TEAD1: variants seen among roughly 807,000 people sequenced by gnomAD.
TEAD1 encodes TEA domain transcription factor 1, also known as transcriptional enhancer factor TEF-1.
Under a neutral mutation model 54.9 loss-of-function variants are expected in TEAD1, and 9 were observed. That is an observed-to-expected ratio of 0.16 (90% CI 0.10 to 0.29). The LOEUF (loss-of-function observed/expected upper bound fraction) is 0.29. TEAD1 is among the 10% of genes least tolerant of loss of function. The pLI, the probability that TEAD1 is intolerant of heterozygous loss-of-function variation, is 1.00. For missense variants in TEAD1, 387 were observed against 535.9 expected, an observed-to-expected ratio of 0.72 and a Z score of 2.74; for synonymous variants, 200 against 187.8, an observed-to-expected ratio of 1.07 and a Z score of -0.53.
rs1949170253 is a variant in TEAD1 at position 12,942,451 on chromosome 11, G to T, written c.*5229G>T. On this transcript the variant is annotated 3_prime_UTR_variant, in exon 13 of 13. Coordinates refer to ENST00000527636, the MANE Select transcript of TEAD1 (RefSeq NM_021961.6). The stretch of plus-strand genomic sequence containing the variant: ...AGCACACTTCAGCGGAAGGACCCCA[G>T]AAACTGTTGTGTTTGTGTGTGCTGA... The T allele has an allele frequency of 6.6e-6, 1 of 152,220 alleles. No individual in the cohort carries two copies. Among genetic ancestry groups the T allele is most frequent in the Admixed American group, 6.5e-5 (1 of 15,280 alleles). The allele number at this position is 152,220 out of a possible 1,614,324, so 9.4% of individuals were successfully genotyped here. A position where few individuals can be genotyped will look rare whatever the true frequency, so the allele number is the denominator to read the frequency against.
At chr11:12,913,098 G>T (rs1036705222) in intron 10 of TEAD1, among the ~76,000 whole-genome samples, 3 of 152,130 alleles carry the variant, frequency 2.0e-5, no homozygotes, top group African/African-American at 7.2e-5. Flanking sequence ...CGGGGTGGCT[G>T]CATATTTTCA....
chr11:12,678,294 C>A (rs907619892), intron 2 of TEAD1, among the ~76,000 whole-genome samples: 1 of 152,212 alleles, frequency 6.6e-6, no homozygotes, highest in African/African-American at 2.4e-5. Flanking sequence ...CTGCTAATGT[C>A]CAACTTTTGG....
At chr11:12,741,092 T>C (rs575904292) in intron 2 of TEAD1, among the ~76,000 whole-genome samples, 1 of 152,320 alleles carries the variant, frequency 6.6e-6, no homozygotes, top group South Asian at 2.1e-4. Context: ...TATTTTCATT[T>C]TGTGTAGCTA....
At chr11:12,760,707 C>T (rs1424299272) in intron 2 of TEAD1, among the ~76,000 whole-genome samples, 2 of 152,172 alleles carry the variant, frequency 1.3e-5, no homozygotes, top group Non-Finnish European at 2.9e-5. Context: ...GCCAATTCCA[C>T]ACATTTTTAG....
rs373656383 is a variant in TEAD1, at chr11:12,902,149, G to C, written c.873+36G>C. ...CATTGCTGTGATTTCCGTGGTTTTT[G>C]TCTGAATGGTCACATCTCTTACATG... is the stretch of plus-strand genomic sequence containing the variant. On this transcript the variant is annotated intron_variant, in intron 10 of 12. Transcript: ENST00000527636. 5.9e-5 allele frequency: 95 copies of C among 1,613,356 alleles called. No individual in the cohort carries two copies. The African/African-American group carries it at 1.1e-3, about 18-fold the overall frequency.
chr11:12,908,892 T>TTTTG, intron 10 of TEAD1, among the ~76,000 whole-genome samples: 1 of 151,422 alleles, frequency 6.6e-6, no homozygotes, highest in South Asian at 2.1e-4. Context: ...TGTTTTTTTT[T>TTTTG]TTTTGAGACA....
At chr11:12,767,697 G>A (rs1945232826) in intron 3 of TEAD1, among the ~76,000 whole-genome samples, 1 of 152,174 alleles carries the variant, frequency 6.6e-6, no homozygotes, top group Admixed American at 6.5e-5. Flanking sequence ...TTTGGGCTGT[G>A]TGTGGATAGG....
chr11:12,816,214 CTGGA>C (rs1418177930), intron 3 of TEAD1, among the ~76,000 whole-genome samples: 1 of 152,174 alleles, frequency 6.6e-6, no homozygotes, highest in African/African-American at 2.4e-5. Context: ...CACTTTGAGG[CTGGA>C]TGAAGTCAAG....
chr11:12,775,903 G>A (rs1945406800), intron 3 of TEAD1, among the ~76,000 whole-genome samples: 1 of 152,134 alleles, frequency 6.6e-6, no homozygotes, highest in African/African-American at 2.4e-5. Context: ...AGAAAAATGT[G>A]GAAAATAGCA....
chr11:12,752,251 T>A (rs1273145120), intron 2 of TEAD1, among the ~76,000 whole-genome samples: 1 of 151,652 alleles, frequency 6.6e-6, no homozygotes, highest in Non-Finnish European at 1.5e-5. Context: ...TTCTTTTTTT[T>A]TAAAATAATT....
intron 5 of TEAD1, among the ~76,000 whole-genome samples, chr11:12,878,651 T>C (rs1168312890): frequency 2.0e-5 from 3 of 152,096 alleles, no homozygotes; most frequent in Non-Finnish European, 4.4e-5. Context: ...TTGTTGCTGT[T>C]GTTGGGTGCC....
intron 9 of TEAD1, among the ~76,000 whole-genome samples, chr11:12,898,525 G>A (rs552101015): frequency 6.6e-6 from 1 of 151,814 alleles, no homozygotes; most frequent in South Asian, 2.1e-4. Flanking sequence ...CTCCCGAGTA[G>A]CTGGGATTAC....
At chr11:12,864,959 A>G (rs770083323) in intron 5 of TEAD1, 59 bp downstream of exon 5, 25 of 1,578,466 alleles carry the variant, frequency 1.6e-5, no homozygotes, top group African/African-American at 8.1e-5. Flanking sequence ...CCTGTTTTCC[A>G]TGGTGACTGG....
rs181671448 is a variant in TEAD1 at position 12,765,251 on chromosome 11, T to C, written c.202+817T>C. 3.9e-5 allele frequency among the ~76,000 whole-genome samples: 6 copies of C among 152,292 alleles called. No individual in the cohort carries two copies. In the East Asian group the frequency reaches 1.2e-3, roughly 29 times the overall value. ...TTGGGCACCCCCTAACTTCCTTCCA[T>C]AAATGCTTCCAGCTGCAGACCTGTA... On this transcript the variant is annotated intron_variant, in intron 3 of 12. Transcript: ENST00000527636.
chr11:12,845,718 C>A lies in TEAD1; in HGVS notation c.203-16532C>A, dbSNP rs142992311. ...AACCACCTGCCCCTTTTAGCGGTGGCCTTTTGCACGTGTCTTGCACTAGCC... is the reference window on the plus strand; with the variant it reads ...AACCACCTGCCCCTTTTAGCGGTGGACTTTTGCACGTGTCTTGCACTAGCC... On this transcript the variant is annotated intron_variant, in intron 3 of 12. Coordinates refer to ENST00000527636, the MANE Select transcript of TEAD1 (RefSeq NM_021961.6). Among the ~76,000 whole-genome samples, 96 of 152,316 alleles carry A rather than the reference C, an allele frequency of 6.3e-4. 1 individual carries two copies. Among genetic ancestry groups the A allele is most frequent in the African/African-American group, 2.1e-3 (88 of 41,574 alleles).
At chr11:12,922,426 G>A (rs1191057684) in intron 10 of TEAD1, 1 of 49,696 alleles carries the variant, frequency 2.0e-5, no homozygotes, top group Admixed American at 1.9e-4. Flanking sequence ...TCGATCTCCT[G>A]ACCTTGTGAT....
chr11:12,802,796 GC>G (rs1231093023), intron 3 of TEAD1, among the ~76,000 whole-genome samples: 1 of 152,198 alleles, frequency 6.6e-6, no homozygotes, highest in Non-Finnish European at 1.5e-5. Flanking sequence ...AGGCCTGCTT[GC>G]CCCGAGCCCT....
chr11:12,852,648 A>T (rs144458873), intron 3 of TEAD1, among the ~76,000 whole-genome samples: 1 of 152,032 alleles, frequency 6.6e-6, no homozygotes, highest in Non-Finnish European at 1.5e-5. Context: ...GGGTTTCACC[A>T]TGTTGGCCAG....
At chr11:12,791,824 A>C (rs896887006) in intron 3 of TEAD1, among the ~76,000 whole-genome samples, 8 of 152,260 alleles carry the variant, frequency 5.3e-5, no homozygotes, top group Non-Finnish European at 1.0e-4. Flanking sequence ...TAGGAAGGCC[A>C]TAAAAAGCCC....
Sources: allele counts gnomAD v4.1 joint callset (sites outside exome capture counted in the v4.1 genomes callset), GRCh38; gene constraint gnomAD v4.1.1; transcripts MANE v1.5; gene names NCBI Gene and HGNC (gene_info 2026-07-23, HGNC 2026-07-21).